FARP1: variants seen among roughly 807,000 people sequenced by gnomAD.
FARP1 encodes the protein FERM, ARH/RhoGEF and pleckstrin domain protein 1.
Under a neutral mutation model 128.8 loss-of-function variants are expected in FARP1, and 52 were observed. The ratio of observed to expected loss-of-function variants is 0.40; its 90% CI spans 0.32 to 0.51. FARP1 has a LOEUF of 0.51. FARP1 is among the 20% of genes least tolerant of loss of function. The pLI is 0.45. For synonymous variants in FARP1, 580 were observed against 551.8 expected (o/e 1.05, Z -0.72); for missense variants, 1,333 against 1,367.9 (o/e 0.97, Z 0.40).
intron 2 of FARP1, among the ~76,000 whole-genome samples, chr13:98,224,546 G>GAAAA (rs11450140): frequency 9.5e-6 from 1 of 104,964 alleles, no homozygotes; most frequent in Admixed American, 1.2e-4. Context: ...AAAAAAAAAA[G>GAAAA]AAAAAAAAAA....
intron 2 of FARP1, among the ~76,000 whole-genome samples, chr13:98,229,251 G>GAACACATC (rs1487693592): frequency 6.6e-6 from 1 of 152,084 alleles, no homozygotes; most frequent in Non-Finnish European, 1.5e-5. Flanking sequence ...GATGAAGATA[G>GAACACATC]AACACATCAA....
At chr13:98,366,130 A>G (rs1477259547) in intron 4 of FARP1, among the ~76,000 whole-genome samples, 3 of 152,130 alleles carry the variant, frequency 2.0e-5, no homozygotes, top group Non-Finnish European at 4.4e-5. Flanking sequence ...TGGCCCTTCA[A>G]TGTAGTCAGA....
chr13:98,316,597 C>A (rs544271664), intron 2 of FARP1, among the ~76,000 whole-genome samples: 1 of 152,184 alleles, frequency 6.6e-6, no homozygotes, highest in African/African-American at 2.4e-5. Flanking sequence ...CCACCTCTTT[C>A]GCCTTGGGGG....
intron 17 of FARP1, among the ~76,000 whole-genome samples, chr13:98,430,523 G>A (rs369726236): frequency 6.6e-6 from 1 of 152,178 alleles, no homozygotes; most frequent in Non-Finnish European, 1.5e-5. Context: ...GAGTCAGGGC[G>A]CTGTCTGACT....
rs370499358 is a variant in FARP1, at chr13:98,411,884, C to T, written c.1693-17C>T. The stretch of plus-strand genomic sequence containing the variant: ...TTGATCTTTCCACCCGTAAGTGCAT[C>T]GTCTTCTTCTTTCCAGTGGTTTCAG... On this transcript the variant is annotated splice_polypyrimidine_tract_variant and intron_variant, in intron 15 of 26. Coordinates refer to ENST00000319562, the MANE Select transcript of FARP1 (RefSeq NM_005766.4). 1.1e-4 allele frequency: 175 copies of T among 1,611,484 alleles called. No individual in the cohort carries two copies. The highest frequency in any genetic ancestry group is 1.3e-4 in the Non-Finnish European group (159 of 1,178,964).
intron 1 of FARP1, among the ~76,000 whole-genome samples, chr13:98,212,911 A>G (rs749948368): frequency 9.8e-5 from 15 of 152,358 alleles, no homozygotes; most frequent in East Asian, 1.9e-4. Flanking sequence ...CCAGACTTCA[A>G]TGTGTAAAAA....
intron 1 of FARP1, among the ~76,000 whole-genome samples, chr13:98,147,539 G>A (rs377671901): frequency 3.0e-4 from 45 of 151,876 alleles, no homozygotes; most frequent in African/African-American, 9.2e-4. Flanking sequence ...GACTTTTGAC[G>A]AAATGCTTTG....
chr13:98,372,081 CTTTTTTTTTTT>C (rs56838920), intron 5 of FARP1, among the ~76,000 whole-genome samples: 7 of 92,342 alleles, frequency 7.6e-5, no homozygotes, highest in African/African-American at 3.0e-4. Flanking sequence ...CCCAGTTTTT[CTTTTTTTTTTT>C]TTTTTTTTTT....
chr13:98,209,342 T>G (rs1880512583), intron 1 of FARP1, among the ~76,000 whole-genome samples: 1 of 151,792 alleles, frequency 6.6e-6, no homozygotes, highest in South Asian at 2.1e-4. Flanking sequence ...GGTAGAAGTT[T>G]CCAGGTGAAG....
chr13:98,150,060 C>T (rs576918952), intron 1 of FARP1, among the ~76,000 whole-genome samples: 2 of 148,892 alleles, frequency 1.3e-5, no homozygotes, highest in East Asian at 2.0e-4. Flanking sequence ...TTTTTTGAGA[C>T]GGAGTCTCAC....
At chr13:98,251,691 A>G (rs975899000) in intron 2 of FARP1, among the ~76,000 whole-genome samples, 7 of 151,978 alleles carry the variant, frequency 4.6e-5, no homozygotes, top group African/African-American at 1.7e-4. Flanking sequence ...TCAAAAAAAA[A>G]AAAAAGAAAA....
At chr13:98,343,985 T>C (rs1888077015) in intron 3 of FARP1, 119 bp downstream of exon 3, 5 of 726,260 alleles carry the variant, frequency 6.9e-6, no homozygotes, top group Non-Finnish European at 1.2e-5. Flanking sequence ...GTTTTGTCTG[T>C]GAAGTCTTCA....
chr13:98,317,627 C>G lies in FARP1; in HGVS notation c.172-26135C>G, dbSNP rs866292626. ...ATGGGGTTTGAGTTTTTAATTGATT[C>G]CCCTCTGTCTTTTGCTGTAAGTGGC... On this transcript the variant is annotated intron_variant, in intron 2 of 26. Coordinates refer to ENST00000319562, the MANE Select transcript of FARP1 (RefSeq NM_005766.4). Among the ~76,000 whole-genome samples the G allele has an allele frequency of 1.8e-4, 27 of 147,724 alleles. No individual in the cohort carries two copies. In the South Asian group the frequency reaches 5.9e-3, roughly 32 times the overall value.
Position 98,409,408 on chromosome 13 carries a change from C to T in FARP1, c.1485C>T (p.Asn495=), listed in dbSNP as rs767796488. The T allele has an allele frequency of 1.3e-5, 21 of 1,613,896 alleles. No individual in the cohort carries two copies. Among genetic ancestry groups the T allele is most frequent in the African/African-American group, 5.3e-5 (4 of 74,872 alleles). ...VNSQGGVAPA[N]VTLSPNLSPD... The stretch of plus-strand genomic sequence containing the variant: ...CGCAGGGGGGAGTGGCCCCTGCCAA[C>T]GTGACCTTGTCTCCCAACCTGAGCC... The change falls in exon 14 of 27, where the codon AAC becomes AAT. Residue 495 remains asparagine (N), a synonymous_variant. Transcript: ENST00000319562.
intron 2 of FARP1, among the ~76,000 whole-genome samples, chr13:98,273,422 C>G (rs1249314670): frequency 6.6e-6 from 1 of 152,138 alleles, no homozygotes; most frequent in Non-Finnish European, 1.5e-5. Context: ...TCAGTTGTGC[C>G]TAAACTCCAA....
chr13:98,268,175 G>A (rs1287853990), intron 2 of FARP1, among the ~76,000 whole-genome samples: 7 of 152,204 alleles, frequency 4.6e-5, no homozygotes, highest in African/African-American at 1.7e-4. Context: ...TCAGTGTCCA[G>A]AGATGAAATT....
chr13:98,217,603 A>G (rs1881153284), intron 2 of FARP1, among the ~76,000 whole-genome samples: 1 of 152,182 alleles, frequency 6.6e-6, no homozygotes, highest in African/African-American at 2.4e-5. Context: ...GGAGCCTGGG[A>G]GAGAGCAATG....
At chr13:98,248,148 G>A (rs1883157689) in intron 2 of FARP1, among the ~76,000 whole-genome samples, 1 of 152,150 alleles carries the variant, frequency 6.6e-6, no homozygotes. Flanking sequence ...CAACTCTAAT[G>A]AGAGAAATGG....
intron 1 of FARP1, among the ~76,000 whole-genome samples, chr13:98,158,066 T>A (rs992151962): frequency 6.6e-6 from 1 of 152,232 alleles, no homozygotes; most frequent in South Asian, 2.1e-4. Context: ...GCATGACATA[T>A]ATGCATTGAG....
Sources: allele counts gnomAD v4.1 joint callset (sites outside exome capture counted in the v4.1 genomes callset), GRCh38; gene constraint gnomAD v4.1.1; transcripts MANE v1.5; gene names NCBI Gene and HGNC (gene_info 2026-07-23, HGNC 2026-07-21).